RBFOX1: variants seen among roughly 807,000 people sequenced by gnomAD.
RBFOX1 encodes RNA binding protein fox-1 homolog 1.
Under a neutral mutation model 57.7 loss-of-function variants are expected in RBFOX1, and 8 were observed. That is an observed-to-expected ratio of 0.14 (90% CI 0.08 to 0.25). RBFOX1 has a LOEUF of 0.25. RBFOX1 is among the 10% of genes least tolerant of loss of function. The pLI is 1.00. For missense variants in RBFOX1, 611 were observed against 548.5 expected, an observed-to-expected ratio of 1.11 and a Z score of -1.14; for synonymous variants, 326 against 222.4, an observed-to-expected ratio of 1.47 and a Z score of -4.15.
chr16:7,285,736 G>A (rs2095638371), intron 4 of RBFOX1, among the ~76,000 whole-genome samples: 1 of 152,124 alleles, frequency 6.6e-6, no homozygotes, highest in Non-Finnish European at 1.5e-5. Context: ...TTGCTGTGTA[G>A]TATTCCATGG....
chr16:6,873,599 C>T (rs1013444604), intron 3 of RBFOX1, among the ~76,000 whole-genome samples: 1 of 152,074 alleles, frequency 6.6e-6, no homozygotes. Flanking sequence ...TATTACACGT[C>T]TAGTTTTTAC....
intron 3 of RBFOX1, among the ~76,000 whole-genome samples, chr16:6,938,825 G>C (rs183720323): frequency 6.6e-5 from 10 of 152,224 alleles, no homozygotes; most frequent in Admixed American, 2.6e-4. Context: ...CCAGCTACTC[G>C]GTAGGCTGAG....
chr16:6,927,795 A>G (rs1411838497), intron 3 of RBFOX1, among the ~76,000 whole-genome samples: 3 of 152,186 alleles, frequency 2.0e-5, no homozygotes, highest in African/African-American at 7.2e-5. Context: ...GAATTAAGCC[A>G]CCACCCTAAA....
intron 1 of RBFOX1, among the ~76,000 whole-genome samples, chr16:6,193,370 ATATATACATTATATATATATAC>A (rs1304585875): frequency 1.2e-4 from 13 of 111,990 alleles, no homozygotes; most frequent in African/African-American, 3.7e-4. Context: ...ATATATATAT[ATATATACATTATATATATATAC>A]TATATATATA....
At chr16:7,605,983 T>A (rs1212913877) in intron 9 of RBFOX1, among the ~76,000 whole-genome samples, 1 of 152,074 alleles carries the variant, frequency 6.6e-6, no homozygotes, top group Admixed American at 6.6e-5. Flanking sequence ...CTACTTTGTA[T>A]TTTTAGTAGA....
chr16:6,847,370 G>A (rs189223413), intron 3 of RBFOX1, among the ~76,000 whole-genome samples: 9 of 152,190 alleles, frequency 5.9e-5, no homozygotes, highest in Admixed American at 2.0e-4. Context: ...TCTTCAATCT[G>A]CCCTATGTGT....
At chr16:6,978,562 C>T (rs1430422213) in intron 3 of RBFOX1, among the ~76,000 whole-genome samples, 1 of 150,780 alleles carries the variant, frequency 6.6e-6, no homozygotes. Context: ...AGTCATAGAG[C>T]CCCTTTCTCC....
intron 3 of RBFOX1, among the ~76,000 whole-genome samples, chr16:6,822,757 C>T (rs545401275): frequency 6.6e-6 from 1 of 152,218 alleles, no homozygotes; most frequent in African/African-American, 2.4e-5. Flanking sequence ...GGAAAAGAAC[C>T]CAGAAGAACC....
intron 4 of RBFOX1, among the ~76,000 whole-genome samples, chr16:7,114,327 C>T (rs2065421958): frequency 6.6e-6 from 1 of 152,142 alleles, no homozygotes; most frequent in East Asian, 1.9e-4. Context: ...ACCTGGGTAG[C>T]TGCCATTTTG....
intron 1 of RBFOX1, among the ~76,000 whole-genome samples, chr16:5,401,438 G>T (rs1431663007): frequency 3.3e-5 from 5 of 152,086 alleles, no homozygotes; most frequent in Admixed American, 2.0e-4. Context: ...CAGGTCTTAT[G>T]CCATTAATGT....
At chr16:7,687,505 T>G (rs1321551927) in intron 14 of RBFOX1, among the ~76,000 whole-genome samples, 1 of 152,022 alleles carries the variant, frequency 6.6e-6, no homozygotes, top group Non-Finnish European at 1.5e-5. Context: ...GTGAGTCAAC[T>G]CTTTGGTAAG....
intron 4 of RBFOX1, among the ~76,000 whole-genome samples, chr16:7,223,417 A>G (rs937632367): frequency 6.6e-6 from 1 of 152,202 alleles, no homozygotes; most frequent in African/African-American, 2.4e-5. Flanking sequence ...GAAAAGATAA[A>G]CCAAATCAAA....
intron 1 of RBFOX1, among the ~76,000 whole-genome samples, chr16:6,246,941 A>T (rs1283067581): frequency 6.6e-6 from 1 of 152,116 alleles, no homozygotes; most frequent in Admixed American, 6.6e-5. Flanking sequence ...GTGGTGGCAG[A>T]TGCCTATAAT....
chr16:6,961,005 A>T (rs1003833569), intron 3 of RBFOX1, among the ~76,000 whole-genome samples: 10 of 148,322 alleles, frequency 6.7e-5, no homozygotes, highest in Non-Finnish European at 1.5e-4. Flanking sequence ...TTAGCTGGGC[A>T]TGGTGGCCAG....
intron 1 of RBFOX1, among the ~76,000 whole-genome samples, chr16:5,322,004 T>C (rs1337542933): frequency 6.6e-6 from 1 of 152,166 alleles, no homozygotes; most frequent in Non-Finnish European, 1.5e-5. Context: ...CTGTGGTAGA[T>C]ACTAGAGTGT....
chr16:6,420,470 C>A (rs1334928127), intron 2 of RBFOX1, among the ~76,000 whole-genome samples: 6 of 151,658 alleles, frequency 4.0e-5, no homozygotes, highest in African/African-American at 1.5e-4. Flanking sequence ...CAAGGATGAA[C>A]AAAGAAAATG....
chr16:6,970,476 C>T (rs1177819108), intron 3 of RBFOX1, among the ~76,000 whole-genome samples: 1 of 152,120 alleles, frequency 6.6e-6, no homozygotes, highest in Non-Finnish European at 1.5e-5. Flanking sequence ...GAGTACATTG[C>T]TCACAGTTCT....
At chr16:6,100,155 G>GTTT (rs200030399) in intron 1 of RBFOX1, among the ~76,000 whole-genome samples, 1 of 150,150 alleles carries the variant, frequency 6.7e-6, no homozygotes, top group East Asian at 1.9e-4. Context: ...TTTTGTTGTT[G>GTTT]TTTTTTTTTG....
rs138447008 is a variant in RBFOX1, at chr16:6,121,871, A to C, written c.-127+101879A>C. Among the ~76,000 whole-genome samples the C allele has an allele frequency of 1.7e-3, 255 of 152,326 alleles. 2 individuals are homozygous for C. The highest frequency in any genetic ancestry group is 5.9e-3 in the African/African-American group (246 of 41,568). Reference sequence around the variant, plus strand: ...TGAGGCAATACCTGTAAAATGCCTAAGACAGAGTTAGTAGTCAATGACTCT... The same window carrying C: ...TGAGGCAATACCTGTAAAATGCCTACGACAGAGTTAGTAGTCAATGACTCT... On this transcript the variant is annotated intron_variant, in intron 1 of 15. Transcript: ENST00000550418.
Sources: gnomAD v4.1 joint callset for allele counts (sites outside exome capture counted in the v4.1 genomes callset) on GRCh38, gnomAD v4.1.1 for gene constraint, MANE v1.5 for transcripts, NCBI Gene and HGNC (gene_info 2026-07-23, HGNC 2026-07-21) for gene names.